The following CLSTN2 variants were observed in gnomAD, a reference collection of about 807,000 sequenced individuals.
CLSTN2 encodes calsyntenin 2.
CLSTN2 carries 48 observed loss-of-function variants against 101.2 expected under a neutral mutation model. The observed-to-expected ratio is 0.47, with a 90% CI of 0.38 to 0.60. CLSTN2 has a LOEUF of 0.60. Among genes scored for constraint, CLSTN2 ranks in the 20% least tolerant of loss-of-function variants. The pLI is 0.00. For missense variants in CLSTN2, 1,160 were observed against 1,238.2 expected, an observed-to-expected ratio of 0.94 and a Z score of 0.95; for synonymous variants, 481 against 463.6, an observed-to-expected ratio of 1.04 and a Z score of -0.48.
chr3:140,097,746 A>G (rs777606295), intron 1 of CLSTN2, among the ~76,000 whole-genome samples: 8 of 152,158 alleles, frequency 5.3e-5, no homozygotes, highest in Non-Finnish European at 1.0e-4. Flanking sequence ...GATGGGATCC[A>G]TTGAATAATT....
chr3:140,260,210 C>A (rs1370693632), intron 2 of CLSTN2, among the ~76,000 whole-genome samples: 1 of 150,118 alleles, frequency 6.7e-6, no homozygotes, highest in Non-Finnish European at 1.5e-5. Flanking sequence ...TATTTTATTT[C>A]TTTTCTTGCC....
chr3:139,940,042 G>A (rs1418502327), intron 1 of CLSTN2, among the ~76,000 whole-genome samples: 1 of 152,158 alleles, frequency 6.6e-6, no homozygotes, highest in East Asian at 1.9e-4. Flanking sequence ...TTACTTCTGA[G>A]TGACTTGCCT....
chr3:140,201,463 G>A (rs1267948262), intron 2 of CLSTN2, among the ~76,000 whole-genome samples: 6 of 152,110 alleles, frequency 3.9e-5, no homozygotes, highest in Admixed American at 1.3e-4. Flanking sequence ...GATGTTCACT[G>A]ACAGCTGGGA....
At chr3:140,032,782 C>T (rs936394320) in intron 1 of CLSTN2, among the ~76,000 whole-genome samples, 2 of 152,198 alleles carry the variant, frequency 1.3e-5, no homozygotes, top group Admixed American at 6.5e-5. Context: ...ATCTGTGTGA[C>T]CTTGGGCAAA....
intron 9 of CLSTN2, among the ~76,000 whole-genome samples, chr3:140,538,614 G>A (rs1845471): frequency 0.24 from 35,935 of 152,156 alleles, 4,834 homozygotes; most frequent in African/African-American, 0.37. Flanking sequence ...AGACAACAGC[G>A]TTAGTACAGA....
At chr3:139,993,485 A>G (rs1936150766) in intron 1 of CLSTN2, among the ~76,000 whole-genome samples, 1 of 151,934 alleles carries the variant, frequency 6.6e-6, no homozygotes, top group Non-Finnish European at 1.5e-5. Flanking sequence ...GTGTCCAGCT[A>G]CTCTTGAGTC....
intron 1 of CLSTN2, among the ~76,000 whole-genome samples, chr3:139,987,065 G>T (rs1479563812): frequency 6.6e-6 from 1 of 152,112 alleles, no homozygotes; most frequent in East Asian, 1.9e-4. Context: ...TCAATCCTAA[G>T]AATACAAGTC....
chr3:139,948,777 A>G (rs1576373173), intron 1 of CLSTN2, among the ~76,000 whole-genome samples: 1 of 152,158 alleles, frequency 6.6e-6, no homozygotes, highest in African/African-American at 2.4e-5. Context: ...CTCCTGCTCA[A>G]AATTCCTCAT....
intron 5 of CLSTN2, among the ~76,000 whole-genome samples, chr3:140,425,446 C>T (rs1017374621): frequency 2.6e-5 from 4 of 152,210 alleles, no homozygotes; most frequent in African/African-American, 7.2e-5. Flanking sequence ...TCTCAGACCC[C>T]GGCTCTTCCG....
rs574794447 is a variant in CLSTN2 at position 140,480,167 on chromosome 3, T to C, written c.1344+13436T>C. Among the ~76,000 whole-genome samples the C allele has an allele frequency of 4.6e-5, 7 of 151,722 alleles. No homozygotes were observed. In the East Asian group the frequency reaches 1.2e-3, roughly 25 times the overall value. On this transcript the variant is annotated intron_variant, in intron 8 of 16. Transcript: ENST00000458420. ...GTGTCCATGTGTTCTCACTGTTCAG[T>C]TCCCACCTATGGGTGAGAACATGCA...
chr3:140,487,763 C>T (rs965097907), intron 8 of CLSTN2, among the ~76,000 whole-genome samples: 3 of 152,220 alleles, frequency 2.0e-5, no homozygotes, highest in African/African-American at 7.2e-5. Flanking sequence ...TTAGTAATAG[C>T]CCTGTCACAT....
chr3:140,055,317 GCCA>G (rs2008077671), intron 1 of CLSTN2, among the ~76,000 whole-genome samples: 1 of 152,178 alleles, frequency 6.6e-6, no homozygotes, highest in Non-Finnish European at 1.5e-5. Context: ...CTGATTTTGA[GCCA>G]CCACCACACA....
At chr3:139,950,703 A>G (rs1935281305) in intron 1 of CLSTN2, among the ~76,000 whole-genome samples, 2 of 152,238 alleles carry the variant, frequency 1.3e-5, no homozygotes, top group South Asian at 4.1e-4. Context: ...TTATGCATTT[A>G]TATAATTTAA....
intron 2 of CLSTN2, among the ~76,000 whole-genome samples, chr3:140,205,614 A>ACC (rs1286516086): frequency 3.0e-5 from 2 of 66,798 alleles, no homozygotes; most frequent in African/African-American, 9.3e-5. Context: ...TTTGGACCTG[A>ACC]CCCGCCCCCC....
At chr3:140,199,415 G>T (rs775965045) in intron 2 of CLSTN2, among the ~76,000 whole-genome samples, 1 of 152,090 alleles carries the variant, frequency 6.6e-6, no homozygotes, top group Non-Finnish European at 1.5e-5. Flanking sequence ...AATTAATTTA[G>T]TATGTCTGGA....
In CLSTN2 at chr3:139,998,336, C is replaced by CTTTTTTTTTTTTTTTTTT. The variant is rs60541490; in HGVS notation, c.109+62856_109+62873dup. Among the ~76,000 whole-genome samples, 334 of 66,808 alleles carry CTTTTTTTTTTTTTTTTTT rather than the reference C, an allele frequency of 5.0e-3. 73 individuals are homozygous for CTTTTTTTTTTTTTTTTTT. The highest frequency in any genetic ancestry group is 0.018 in the East Asian group (28 of 1,538). 43.8% of individuals were successfully genotyped at this position (66,808 alleles called of 152,430 possible). A position where few individuals can be genotyped will look rare whatever the true frequency, so the allele number is the denominator to read the frequency against. On this transcript the variant is annotated intron_variant, in intron 1 of 16. Transcript: ENST00000458420. ...ATGGGATAATAGTTCCCCCACATGC[C>CTTTTTTTTTTTTTTTTTT]TTTTTTTTTTTTTTTTTTTTGTGAC... is the stretch of plus-strand genomic sequence containing the variant.
chr3:140,566,682 C>G lies in CLSTN2; in HGVS notation c.*429C>G. Reference sequence around the variant, plus strand: ...ACCAGTAGGTTCTCCTATGCTGACTCCAGGTTGCTTCATACAAGGAGGGTG... The same window carrying G: ...ACCAGTAGGTTCTCCTATGCTGACTGCAGGTTGCTTCATACAAGGAGGGTG... On this transcript the variant is annotated 3_prime_UTR_variant, in exon 17 of 17. Transcript: ENST00000458420. 9.9e-6 allele frequency: 2 copies of G among 202,804 alleles called. No homozygotes were observed. Among genetic ancestry groups the G allele is most frequent in the Non-Finnish European group, 2.1e-5 (2 of 96,542 alleles). The allele number at this position is 202,804 out of a possible 1,614,324, so 12.6% of individuals were successfully genotyped here.
At chr3:139,993,862 G>GCTGT (rs372331972) in intron 1 of CLSTN2, among the ~76,000 whole-genome samples, 2 of 151,932 alleles carry the variant, frequency 1.3e-5, no homozygotes, top group African/African-American at 4.8e-5. Flanking sequence ...TATATGACAA[G>GCTGT]TGAATCACAA....
chr3:140,499,725 C>T (rs1338157008), intron 8 of CLSTN2, among the ~76,000 whole-genome samples: 2 of 152,132 alleles, frequency 1.3e-5, no homozygotes, highest in African/African-American at 4.8e-5. Context: ...TGAAGTTCTG[C>T]CTCTTGTTAT....
Sources: allele counts gnomAD v4.1 joint callset (sites outside exome capture counted in the v4.1 genomes callset), GRCh38; gene constraint gnomAD v4.1.1; transcripts MANE v1.5; gene names NCBI Gene and HGNC (gene_info 2026-07-23, HGNC 2026-07-21).